Variants in PTBP2 observed in about 807,000 individuals in gnomAD.
PTBP2 encodes polypyrimidine tract binding protein 2, also known as polypyrimidine tract-binding protein 2.
Under a neutral mutation model 61.4 loss-of-function variants are expected in PTBP2, and 13 were observed. The observed-to-expected ratio is 0.21, with a 90% CI of 0.14 to 0.34. The LOEUF (loss-of-function observed/expected upper bound fraction) is 0.34. Among genes scored for constraint, PTBP2 ranks in the 10% least tolerant of loss-of-function variants. PTBP2 has a pLI of 1.00. For missense variants in PTBP2, 405 were observed against 642.6 expected (o/e 0.63, Z 4.00); for synonymous variants, 215 against 218.5 (o/e 0.98, Z 0.14).
At chr1:96,724,374 C>G (rs1005920721) in intron 2 of PTBP2, among the ~76,000 whole-genome samples, 9 of 152,038 alleles carry the variant, frequency 5.9e-5, no homozygotes, top group African/African-American at 2.2e-4. Context: ...CCTCAGCCTC[C>G]TGAGTAGCTG....
At chr1:96,792,779 A>G (rs1053966571) in intron 8 of PTBP2, among the ~76,000 whole-genome samples, 1 of 151,792 alleles carries the variant, frequency 6.6e-6, no homozygotes, top group Non-Finnish European at 1.5e-5. Flanking sequence ...TTTTTGACAA[A>G]CAACACGTTA....
At chr1:96,808,345 G>T (rs1467364504) in intron 11 of PTBP2, among the ~76,000 whole-genome samples, 1 of 152,218 alleles carries the variant, frequency 6.6e-6, no homozygotes, top group Admixed American at 6.5e-5. Flanking sequence ...CTAGCAGATT[G>T]TTTCTGGTGA....
At chr1:96,734,903 C>CTTTTTTTTTTTTTTTTTTTTTTTTT (rs369053938) in intron 2 of PTBP2, among the ~76,000 whole-genome samples, 1 of 124,964 alleles carries the variant, frequency 8.0e-6, no homozygotes, top group Non-Finnish European at 1.6e-5. Flanking sequence ...CTTTTTTTTT[C>CTTTTTTTTTTTTTTTTTTTTTTTTT]TTTTTTTTTT....
chr1:96,743,483 A>G (rs555343451), intron 2 of PTBP2, among the ~76,000 whole-genome samples: 1 of 152,302 alleles, frequency 6.6e-6, no homozygotes, highest in Admixed American at 6.5e-5. Context: ...AGAGCGCATC[A>G]TCCTTTCACC....
chr1:96,733,630 C>G (rs1651752973), intron 2 of PTBP2, among the ~76,000 whole-genome samples: 1 of 152,084 alleles, frequency 6.6e-6, no homozygotes, highest in African/African-American at 2.4e-5. Flanking sequence ...ATGATTGTAT[C>G]ACTACACTCC....
rs933945547 is a variant in PTBP2, at chr1:96,806,781, T to A, written c.1079-85T>A. ...TCATGTTGATGTCTGAATGTTTCATTGATATGTCAGAAAGATAATCTTTAG... is the reference window on the plus strand; with the variant it reads ...TCATGTTGATGTCTGAATGTTTCATAGATATGTCAGAAAGATAATCTTTAG... On this transcript the variant is annotated intron_variant, in intron 10 of 13. Coordinates refer to ENST00000674951, the MANE Select transcript of PTBP2 (RefSeq NM_021190.4). 8 of 951,844 alleles carry A rather than the reference T, an allele frequency of 8.4e-6. No homozygotes were observed. The African/African-American group carries it at 1.2e-4, about 14-fold the overall frequency. The allele number at this position is 951,844 out of a possible 1,614,324, so 59.0% of individuals were successfully genotyped here. A position where few individuals can be genotyped will look rare whatever the true frequency, so the allele number is the denominator to read the frequency against.
chr1:96,732,287 T>C (rs1193656696), intron 2 of PTBP2, among the ~76,000 whole-genome samples: 2 of 152,206 alleles, frequency 1.3e-5, no homozygotes, highest in Non-Finnish European at 2.9e-5. Context: ...TTCAAAACTT[T>C]GGGTTTTTAG....
intron 2 of PTBP2, among the ~76,000 whole-genome samples, chr1:96,748,406 A>G (rs1654117545): frequency 6.6e-6 from 1 of 151,664 alleles, no homozygotes; most frequent in Admixed American, 6.6e-5. Context: ...TGAGTGCTAA[A>G]TGGCCTTTAA....
intron 8 of PTBP2, among the ~76,000 whole-genome samples, chr1:96,798,913 T>C (rs1660668113): frequency 6.6e-6 from 1 of 152,202 alleles, no homozygotes; most frequent in Non-Finnish European, 1.5e-5. Flanking sequence ...TTCTAAATGA[T>C]TTAATTAACA....
At chr1:96,791,834 T>TGTTTTTTTTTTGTTTTTTTTTTG (rs71590211) in intron 8 of PTBP2, among the ~76,000 whole-genome samples, 2 of 128,800 alleles carry the variant, frequency 1.6e-5, no homozygotes, top group African/African-American at 6.1e-5. Context: ...TGCTTTTTTT[T>TGTTTTTTTTTTGTTTTTTTTTTG]TTTTTTTTTT....
intron 8 of PTBP2, among the ~76,000 whole-genome samples, chr1:96,792,694 G>T (rs933560947): frequency 6.9e-6 from 1 of 145,040 alleles, no homozygotes; most frequent in African/African-American, 2.6e-5. Flanking sequence ...TATTGTTCAT[G>T]CATTGATTCA....
intron 8 of PTBP2, among the ~76,000 whole-genome samples, chr1:96,803,606 A>G (rs1057056425): frequency 5.9e-5 from 9 of 152,128 alleles, no homozygotes; most frequent in African/African-American, 1.9e-4. Context: ...TGTGAATATT[A>G]AAGAGCGCTT....
At chr1:96,809,178 A>C (rs1004396058) in intron 11 of PTBP2, among the ~76,000 whole-genome samples, 2 of 151,890 alleles carry the variant, frequency 1.3e-5, no homozygotes, top group African/African-American at 4.9e-5. Context: ...AATCTATTAT[A>C]GTGGTGGATT....
chr1:96,737,816 G>C (rs567740689), intron 2 of PTBP2, among the ~76,000 whole-genome samples: 1 of 152,232 alleles, frequency 6.6e-6, no homozygotes, highest in East Asian at 1.9e-4. Flanking sequence ...CAGTATTTAT[G>C]TTTAAATAAA....
intron 3 of PTBP2, 52 bp from the exon 4 acceptor site, chr1:96,769,651 C>T: frequency 1.6e-6 from 2 of 1,260,594 alleles, no homozygotes; most frequent in Non-Finnish European, 2.1e-6. Flanking sequence ...TAGGAAAATT[C>T]ATACATTCTT....
chr1:96,804,560 A>G (rs533422214), intron 8 of PTBP2, among the ~76,000 whole-genome samples: 246 of 152,248 alleles, frequency 1.6e-3, no homozygotes, highest in African/African-American at 5.6e-3. Flanking sequence ...TGATATTTTA[A>G]CATAATACAG....
chr1:96,722,144 C>T (rs865853932), intron 1 of PTBP2, among the ~76,000 whole-genome samples: 8 of 152,180 alleles, frequency 5.3e-5, no homozygotes, highest in African/African-American at 1.4e-4. Flanking sequence ...ACCGGCTTGG[C>T]GGCGGGGGAT....
At chr1:96,732,674 A>C (rs1238221472) in intron 2 of PTBP2, among the ~76,000 whole-genome samples, 2 of 152,222 alleles carry the variant, frequency 1.3e-5, no homozygotes, top group South Asian at 2.1e-4. Context: ...TGGCTACAGT[A>C]GGAAAGATTG....
At chr1:96,731,838 G>T (rs1160537530) in intron 2 of PTBP2, among the ~76,000 whole-genome samples, 2 of 151,946 alleles carry the variant, frequency 1.3e-5, no homozygotes, top group South Asian at 2.1e-4. Flanking sequence ...TAATATCAGG[G>T]GTGTCATTTC....
Sources: gnomAD v4.1 joint callset for allele counts (sites outside exome capture counted in the v4.1 genomes callset) on GRCh38, gnomAD v4.1.1 for gene constraint, MANE v1.5 for transcripts, NCBI Gene and HGNC (gene_info 2026-07-23, HGNC 2026-07-21) for gene names.